Variants in ARHGEF4 observed in about 807,000 individuals in gnomAD.
ARHGEF4 encodes Rho guanine nucleotide exchange factor 4, also known as APC-stimulated guanine nucleotide exchange factor 1.
A neutral mutation model predicts 162.0 loss-of-function variants in ARHGEF4; 119 were observed. The observed-to-expected ratio is 0.73, with a 90% CI of 0.63 to 0.86. The LOEUF is 0.86. Ranked by LOEUF, ARHGEF4 falls within the 40% of genes least tolerant of loss-of-function variation. The pLI is 0.00. For missense variants in ARHGEF4, 2,488 were observed against 2,456.0 expected (o/e 1.01, Z -0.28); for synonymous variants, 1,014 against 979.9 (o/e 1.03, Z -0.65).
At chr2:130,999,202 T>A (rs181321900) in intron 4 of ARHGEF4, among the ~76,000 whole-genome samples, 2 of 149,350 alleles carry the variant, frequency 1.3e-5, no homozygotes, top group South Asian at 2.1e-4. Flanking sequence ...TCTGTTGCCC[T>A]GGCTGGAGTG....
chr2:130,959,035 G>C (rs1684468668), intron 4 of ARHGEF4, among the ~76,000 whole-genome samples: 1 of 151,450 alleles, frequency 6.6e-6, no homozygotes, highest in African/African-American at 2.4e-5. Context: ...TCTGCCTCCT[G>C]AGTTCAAGTG....
chr2:130,998,204 T>G (rs1022610048), intron 4 of ARHGEF4, among the ~76,000 whole-genome samples: 1 of 152,234 alleles, frequency 6.6e-6, no homozygotes, highest in Non-Finnish European at 1.5e-5. Flanking sequence ...ATGTGTAAAA[T>G]TGTGCTATCA....
Position 130,916,971 on chromosome 2 carries a change from G to C in ARHGEF4, c.3025G>C (p.Ala1009Pro), listed in dbSNP as rs1468166104. ...TAGCGATCACTGGGCACCCCCACTT[G>C]CCTCCACACCTTTGTCCTCCAGTTT... is the stretch of plus-strand genomic sequence containing the variant. ...VFSDHWAPPL[A>P]STPLSSSLVS... The change falls in exon 2 of 14, where the codon GCC becomes CCC. Residue 1009 changes from alanine (A) to proline (P), a missense_variant. By Grantham distance (27) the Ala-to-Pro change is conservative. This residue lies in a region of ARHGEF4 where 1,642 missense variants were observed against 1,481.5 expected (regional missense o/e 1.11). Coordinates refer to ENST00000409359, the MANE Select transcript of ARHGEF4 (RefSeq NM_001367493.1). 6.4e-7 allele frequency: 1 copy of C among 1,550,842 alleles called. No individual in the cohort carries two copies. The highest frequency in any genetic ancestry group is 2.4e-5 in the East Asian group (1 of 40,908).
chr2:130,943,331 C>T (rs1261961893), intron 3 of ARHGEF4, among the ~76,000 whole-genome samples: 1 of 152,112 alleles, frequency 6.6e-6, no homozygotes, highest in Admixed American at 6.5e-5. Context: ...TTCTACCTGC[C>T]TTTATCATTA....
intron 3 of ARHGEF4, among the ~76,000 whole-genome samples, chr2:130,939,648 ACT>A (rs2105129356): frequency 6.6e-6 from 1 of 152,304 alleles, no homozygotes; most frequent in East Asian, 1.9e-4. Flanking sequence ...ATCTGATGAG[ACT>A]GCAGAAAACC....
At chr2:130,847,260 G>A (rs1230513076) in intron 1 of ARHGEF4, among the ~76,000 whole-genome samples, 6 of 152,192 alleles carry the variant, frequency 3.9e-5, no homozygotes, top group African/African-American at 1.4e-4. Context: ...GACAAACTGG[G>A]TGATATTAGT....
intron 4 of ARHGEF4, among the ~76,000 whole-genome samples, chr2:130,966,259 G>T (rs1055663633): frequency 6.6e-6 from 1 of 152,200 alleles, no homozygotes; most frequent in Non-Finnish European, 1.5e-5. Context: ...GTATGCCTTA[G>T]AGCCAGTTGA....
chr2:130,902,660 C>A (rs1680554312), intron 1 of ARHGEF4, among the ~76,000 whole-genome samples: 1 of 149,618 alleles, frequency 6.7e-6, no homozygotes, highest in African/African-American at 2.4e-5. Flanking sequence ...GAGAACCAAG[C>A]ATGTTGTAGT....
At chr2:130,949,409 A>C (rs930232021) in intron 4 of ARHGEF4, among the ~76,000 whole-genome samples, 4 of 152,168 alleles carry the variant, frequency 2.6e-5, no homozygotes. Context: ...GCTGGAGTGC[A>C]GTGGTGCGAT....
chr2:130,867,188 C>G (rs1175219449), intron 1 of ARHGEF4, among the ~76,000 whole-genome samples: 1 of 151,770 alleles, frequency 6.6e-6, no homozygotes, highest in African/African-American at 2.4e-5. Context: ...CTGCTATCTT[C>G]CAAAAGTCCA....
chr2:130,870,959 G>A (rs1171379575), intron 1 of ARHGEF4, among the ~76,000 whole-genome samples: 2 of 152,120 alleles, frequency 1.3e-5, no homozygotes, highest in Admixed American at 1.3e-4. Flanking sequence ...TGAGGTTTGC[G>A]GAGGAAGTGG....
chr2:131,044,151 A>T, intron 11 of ARHGEF4, 148 bp from the exon 12 acceptor site: 1 of 1,217,266 alleles, frequency 8.2e-7, no homozygotes, highest in Non-Finnish European at 1.1e-6. Context: ...TGCAGAAGGC[A>T]TGCTCTGCCC....
chr2:130,982,601 CT>C, intron 4 of ARHGEF4, among the ~76,000 whole-genome samples: 1 of 88,652 alleles, frequency 1.1e-5, no homozygotes, highest in Non-Finnish European at 3.3e-5. Flanking sequence ...CCTCCTTTCC[CT>C]CCTCCTCCTC....
intron 4 of ARHGEF4, among the ~76,000 whole-genome samples, chr2:130,966,921 C>CT: frequency 6.6e-6 from 1 of 152,332 alleles, no homozygotes; most frequent in East Asian, 1.9e-4. Flanking sequence ...TTTGACTAGT[C>CT]TAACGGCTGA....
At chr2:130,979,734 T>TAAAAAAA (rs776769283) in intron 4 of ARHGEF4, among the ~76,000 whole-genome samples, 2 of 92,718 alleles carry the variant, frequency 2.2e-5, no homozygotes, top group South Asian at 4.4e-4. Context: ...AGACTCCATC[T>TAAAAAAA]AAAAAAAAAA....
intron 4 of ARHGEF4, among the ~76,000 whole-genome samples, chr2:131,014,881 G>A (rs1688679418): frequency 6.6e-6 from 1 of 152,166 alleles, no homozygotes; most frequent in Admixed American, 6.5e-5. Flanking sequence ...TCCTTGTGTA[G>A]GCAGAACGGC....
At chr2:130,865,558 A>G (rs986828357) in intron 1 of ARHGEF4, among the ~76,000 whole-genome samples, 8 of 152,190 alleles carry the variant, frequency 5.3e-5, no homozygotes, top group African/African-American at 1.9e-4. Context: ...GCCATTAGGT[A>G]TAAAGTGATC....
At chr2:130,857,253 A>C (rs1362820027) in intron 1 of ARHGEF4, among the ~76,000 whole-genome samples, 1 of 147,314 alleles carries the variant, frequency 6.8e-6, no homozygotes, top group East Asian at 2.0e-4. Context: ...AAAATAAAAA[A>C]GTTAACATAA....
rs998234268 is a variant in ARHGEF4, at chr2:130,915,201, C to A, written c.1255C>A (p.Pro419Thr). Residue 419 changes from proline (P) to threonine (T), a missense_variant, in exon 2 of 14, where the codon CCT (proline) becomes ACT (threonine). Transcript: ENST00000409359. ...CTTGCAAAGGGCCTCTCAGGACACT[C>A]CTTCTGCAGGTCTCCTGGGGGAAAA... is the stretch of plus-strand genomic sequence containing the variant. ...FRLQRASQDT[P>T]SAGLLGENQL... 1 of 1,550,494 alleles carries A rather than the reference C, an allele frequency of 6.4e-7. No homozygotes were observed. The highest frequency in any genetic ancestry group is 2.4e-5 in the East Asian group (1 of 40,912).
Sources: allele counts gnomAD v4.1 joint callset (sites outside exome capture counted in the v4.1 genomes callset), GRCh38; gene constraint gnomAD v4.1.1; regional missense constraint gnomAD v4.1.1; transcripts MANE v1.5; gene names NCBI Gene and HGNC (gene_info 2026-07-23, HGNC 2026-07-21).